ELOC: variants seen among roughly 807,000 people sequenced by gnomAD.
ELOC encodes elongin C.
For synonymous variants in ELOC, 40 were observed against 51.3 expected, an observed-to-expected ratio of 0.78 and a Z score of 0.94; for missense variants, 38 against 139.0, an observed-to-expected ratio of 0.27 and a Z score of 3.65.
chr8:73,948,495 A>G (rs1813528109), intron 3 of ELOC, among the ~76,000 whole-genome samples: 1 of 152,220 alleles, frequency 6.6e-6, no homozygotes, highest in African/African-American at 2.4e-5. Flanking sequence ...ACCTGAATCC[A>G]GGAGGTGGAA....
intron 3 of ELOC, among the ~76,000 whole-genome samples, chr8:73,948,188 G>A (rs1465505443): frequency 4.6e-5 from 6 of 130,224 alleles, no homozygotes; most frequent in African/African-American, 1.4e-4. Context: ...ACGAAACTCC[G>A]TCTCAAAAAA....
chr8:73,948,882 A>AGCAC (rs1227134858), intron 3 of ELOC, among the ~76,000 whole-genome samples: 1 of 152,162 alleles, frequency 6.6e-6, no homozygotes, highest in South Asian at 2.1e-4. Flanking sequence ...CAAGCAAGCA[A>AGCAC]AAGAAACATT....
At chr8:73,970,578 C>T (rs1815288670) in intron 1 of ELOC, 1 of 152,260 alleles carries the variant, frequency 6.6e-6, no homozygotes, top group Non-Finnish European at 1.5e-5. Flanking sequence ...ATAGTACGTA[C>T]CACAGCTGTT....
chr8:73,953,768 C>T (rs1472206658), intron 3 of ELOC, among the ~76,000 whole-genome samples: 2 of 152,086 alleles, frequency 1.3e-5, no homozygotes, highest in Non-Finnish European at 2.9e-5. Context: ...ATTCAGCCAC[C>T]GTGAAACAGT....
In ELOC at chr8:73,946,577, C is replaced by T. The variant is rs1813395579; in HGVS notation, c.*53G>A. 1.4e-6 allele frequency: 2 copies of T among 1,392,784 alleles called. No homozygotes were observed. 86.3% of individuals were successfully genotyped at this position (1,392,784 alleles called of 1,614,324 possible). On this transcript the variant is annotated 3_prime_UTR_variant, in exon 4 of 4. Transcript: ENST00000520242. ...ATATATGAAAAAGTTACTAACTGAA[C>T]TACAGGTATTAAATACTGAAAAGAG...
At chr8:73,971,249 T>G (rs1318230281) in intron 1 of ELOC, among the ~76,000 whole-genome samples, 1 of 151,436 alleles carries the variant, frequency 6.6e-6, no homozygotes, top group Non-Finnish European at 1.5e-5. Context: ...CTACTAATAA[T>G]AGATTAGTCA....
intron 2 of ELOC, among the ~76,000 whole-genome samples, chr8:73,958,696 GTA>G (rs1563679798): frequency 6.6e-6 from 1 of 152,132 alleles, no homozygotes; most frequent in Admixed American, 6.6e-5. Context: ...AGAAAACATT[GTA>G]TGTTTGTCAG....
intron 3 of ELOC, 68 bp from the exon 4 acceptor site, chr8:73,946,888 T>G (rs55903314): frequency 0.33 from 454,328 of 1,363,560 alleles, 78,097 homozygotes; most frequent in Admixed American, 0.45. Context: ...TGTTGAAGTC[T>G]TAACCCCTTG....
rs960881029 is a variant in ELOC at position 73,946,327 on chromosome 8, A to C, written c.*303T>G. The C allele has an allele frequency of 2.2e-5, 5 of 231,598 alleles. No individual in the cohort carries two copies. 14.3% of individuals were successfully genotyped at this position (231,598 alleles called of 1,614,324 possible). A position where few individuals can be genotyped will look rare whatever the true frequency, so the allele number is the denominator to read the frequency against. On this transcript the variant is annotated 3_prime_UTR_variant, in exon 4 of 4. Coordinates refer to ENST00000520242, the MANE Select transcript of ELOC (RefSeq NM_005648.4). ...TGTAGAACGTATTGATTTACACCTA[A>C]ATTTCAGTATTTACTATATCATCAT...
At chr8:73,952,705 TG>T (rs1461906565) in intron 3 of ELOC, among the ~76,000 whole-genome samples, 9 of 143,926 alleles carry the variant, frequency 6.3e-5, no homozygotes, top group African/African-American at 1.8e-4. Context: ...GGCATGAAAC[TG>T]GGAGGTGGAG....
At chr8:73,951,737 T>C (rs541854469) in intron 3 of ELOC, among the ~76,000 whole-genome samples, 14 of 151,868 alleles carry the variant, frequency 9.2e-5, no homozygotes, top group Admixed American at 2.6e-4. Flanking sequence ...CCAAACAATC[T>C]TGAAACAGAA....
intron 3 of ELOC, among the ~76,000 whole-genome samples, chr8:73,952,766 T>G: frequency 2.4e-5 from 3 of 125,316 alleles, no homozygotes; most frequent in South Asian, 2.8e-4. Flanking sequence ...GGGCAACAGG[T>G]GTCTCGAAAA....
chr8:73,954,422 G>A (rs1813997096), intron 3 of ELOC, among the ~76,000 whole-genome samples: 1 of 152,188 alleles, frequency 6.6e-6, no homozygotes, highest in African/African-American at 2.4e-5. Flanking sequence ...ACTTTGGGAG[G>A]CTGAGGCAGG....
At chr8:73,947,951 T>G (rs1391938870) in intron 3 of ELOC, among the ~76,000 whole-genome samples, 1 of 152,058 alleles carries the variant, frequency 6.6e-6, no homozygotes. Context: ...CCCAGCACTT[T>G]GGGAGGCTGA....
intron 3 of ELOC, among the ~76,000 whole-genome samples, chr8:73,953,909 C>T (rs1813955322): frequency 6.6e-6 from 1 of 152,194 alleles, no homozygotes; most frequent in African/African-American, 2.4e-5. Flanking sequence ...CAGAACTATT[C>T]ATGGTAGCCA....
intron 3 of ELOC, among the ~76,000 whole-genome samples, chr8:73,954,895 G>A (rs1049820956): frequency 3.3e-5 from 5 of 151,550 alleles, no homozygotes; most frequent in Non-Finnish European, 7.4e-5. Flanking sequence ...TTAGCCAGGC[G>A]TGGTGGTAGG....
intron 3 of ELOC, among the ~76,000 whole-genome samples, chr8:73,952,687 A>T (rs1813858649): frequency 6.6e-6 from 1 of 151,322 alleles, no homozygotes; most frequent in Non-Finnish European, 1.5e-5. Flanking sequence ...AGGCTGAGGC[A>T]GGAGAATGGC....
chr8:73,950,486 T>C (rs188404126), intron 3 of ELOC, among the ~76,000 whole-genome samples: 1 of 152,304 alleles, frequency 6.6e-6, no homozygotes, highest in East Asian at 1.9e-4. Context: ...AACCAAATAA[T>C]ATCTTATAGG....
intron 1 of ELOC, among the ~76,000 whole-genome samples, chr8:73,961,280 C>T (rs894990697): frequency 2.0e-5 from 3 of 152,118 alleles, no homozygotes; most frequent in African/African-American, 7.2e-5. Flanking sequence ...CTAAGAAATT[C>T]CTGACAAATT....
Sources: gnomAD v4.1 joint callset for allele counts (sites outside exome capture counted in the v4.1 genomes callset) on GRCh38, gnomAD v4.1.1 for gene constraint, MANE v1.5 for transcripts, NCBI Gene and HGNC (gene_info 2026-07-23, HGNC 2026-07-21) for gene names.